The following ABCA7 variants were observed in gnomAD, a reference collection of about 807,000 sequenced individuals.
The protein encoded by ABCA7 is ATP binding cassette subfamily A member 7.
ABCA7 carries 261 observed loss-of-function variants against 227.6 expected under a neutral mutation model. That is an observed-to-expected ratio of 1.15 (90% CI 1.04 to 1.27). The LOEUF is 1.27. ABCA7 is among the 50% of genes most tolerant of loss of function. The probability of loss-of-function intolerance (pLI) is 0.00; values close to 1 mark genes in which losing one functional copy is unlikely to be tolerated. For synonymous variants in ABCA7, 1,488 were observed against 1,279.7 expected (o/e 1.16, Z -3.47); for missense variants, 3,331 against 2,924.5 (o/e 1.14, Z -3.21).
At position 1,046,884 on chromosome 19, in the gene ABCA7, G is replaced by T. The variant is rs772139261; in HGVS notation, c.1705G>T (p.Val569Leu). The T allele has an allele frequency of 6.5e-7, 1 of 1,548,780 alleles. No individual in the cohort carries two copies. The highest frequency in any genetic ancestry group is 1.9e-5 in the Admixed American group (1 of 51,336). Residue 569 changes from valine (V) to leucine (L), a missense_variant, in exon 14 of 47, where the codon GTG becomes TTG. Physicochemically the swap from Val to Leu is conservative, Grantham distance 32 (BLOSUM62 1). Coordinates refer to ENST00000263094, the MANE Select transcript of ABCA7 (RefSeq NM_019112.4). The part of the protein sequence containing the change: ...IYSVTLTVKA[V>L]VREKETRLRD... ...CTCCGTGACACTGACAGTGAAGGCCGTGGTGCGGGAGAAGGAGACGCGGCT... is the reference window on the plus strand; with the variant it reads ...CTCCGTGACACTGACAGTGAAGGCCTTGGTGCGGGAGAAGGAGACGCGGCT...
At chr19:1,050,146 C>G (rs1371164870) in intron 18 of ABCA7, among the ~76,000 whole-genome samples, 4 of 151,260 alleles carry the variant, frequency 2.6e-5, no homozygotes, top group Non-Finnish European at 5.9e-5. Flanking sequence ...AGTGGTGGCT[C>G]ACGCCTGTAA....
intron 45 of ABCA7, chr19:1,064,526 G>C (rs1169340057): frequency 1.9e-6 from 1 of 521,470 alleles, no homozygotes; most frequent in Non-Finnish European, 3.4e-6. Context: ...CTGGAGAGGT[G>C]AGGGTGGATT....
Position 1,064,961 on chromosome 19 carries a change from G to A in ABCA7, c.6075G>A (p.Arg2025=). ...RFAAGHTLTL[R]VPAARSQPAA... ...CGGCGGGTCACACACTGACCCTGCGGGTGCCCGCCGCAAGGTCCCAGCCGG... is the reference window on the plus strand; with the variant it reads ...CGGCGGGTCACACACTGACCCTGCGAGTGCCCGCCGCAAGGTCCCAGCCGG... Residue 2025 remains arginine, a synonymous_variant, in exon 46 of 47, where the codon CGG becomes CGA. Coordinates refer to ENST00000263094, the MANE Select transcript of ABCA7 (RefSeq NM_019112.4). The A allele has an allele frequency of 1.9e-6, 3 of 1,544,028 alleles. No homozygotes were observed. Among genetic ancestry groups the A allele is most frequent in the Non-Finnish European group, 2.6e-6 (3 of 1,146,192 alleles).
At chr19:1,060,441 C>G (rs553877833) in intron 40 of ABCA7, among the ~76,000 whole-genome samples, 6 of 151,886 alleles carry the variant, frequency 4.0e-5, no homozygotes, top group Admixed American at 6.6e-5. Flanking sequence ...GCACTCCTGA[C>G]CTCAAATGAT....
intron 37 of ABCA7, 90 bp downstream of exon 37, chr19:1,058,359 G>GC (rs756433146): frequency 4.9e-5 from 75 of 1,531,684 alleles, no homozygotes; most frequent in Non-Finnish European, 6.4e-5. Flanking sequence ...GAGAAAAACA[G>GC]CCCCCCAGGG....
At chr19:1,047,802 T>G in intron 16 of ABCA7, 148 bp downstream of exon 16, 121 of 644,184 alleles carry the variant, frequency 1.9e-4, no homozygotes, top group Middle Eastern at 1.6e-3. Flanking sequence ...CGCATGCAGG[T>G]GGCTGCATTG....
chr19:1,048,617 G>A (rs2040996234), intron 16 of ABCA7, among the ~76,000 whole-genome samples: 1 of 151,562 alleles, frequency 6.6e-6, no homozygotes, highest in South Asian at 2.1e-4. Flanking sequence ...AGACCATCCT[G>A]GCTAACACGG....
Position 1,061,390 on chromosome 19 carries a change from C to CAAAAAAAAAAAAAAA in ABCA7, c.5464-384_5464-370dup, listed in dbSNP as rs978850571. Among the ~76,000 whole-genome samples, 26 of 36,908 alleles carry CAAAAAAAAAAAAAAA rather than the reference C, an allele frequency of 7.0e-4. 1 individual carries two copies. Among genetic ancestry groups the CAAAAAAAAAAAAAAA allele is most frequent in the African/African-American group, 3.4e-3 (24 of 7,072 alleles). 24.2% of individuals were successfully genotyped at this position (36,908 alleles called of 152,430 possible). A position where few individuals can be genotyped will look rare whatever the true frequency, so the allele number is the denominator to read the frequency against. On this transcript the variant is annotated intron_variant, in intron 40 of 46. Coordinates refer to ENST00000263094, the MANE Select transcript of ABCA7 (RefSeq NM_019112.4). ...GGGGTGACACAGCAAGGCTCCGTCT[C>CAAAAAAAAAAAAAAA]AAAAAAAAAAAAAAAAAAAAAAGAG...
chr19:1,052,014 C>T lies in ABCA7; in HGVS notation c.3035C>T (p.Ala1012Val), dbSNP rs765916635. ...ELLGDRVAVVAGGRLCCCGSP... is the reference protein window; with the variant it reads ...ELLGDRVAVVVGGRLCCCGSP... ...CTGGGAGACCGTGTGGCCGTGGTGG[C>T]AGGTGGCCGCTTGTGCTGCTGTGGC... The change falls in exon 22 of 47, where the codon GCA (alanine) becomes GTA (valine). Residue 1012 changes from alanine (A) to valine (V), a missense_variant. Coordinates refer to ENST00000263094, the MANE Select transcript of ABCA7 (RefSeq NM_019112.4). 5 of 1,612,062 alleles carry T rather than the reference C, an allele frequency of 3.1e-6. No individual in the cohort carries two copies. In the South Asian group the frequency reaches 3.3e-5, roughly 11 times the overall value.
At chr19:1,061,352 G>A (rs548849928) in intron 40 of ABCA7, among the ~76,000 whole-genome samples, 68 of 145,152 alleles carry the variant, frequency 4.7e-4, no homozygotes, top group Non-Finnish European at 4.3e-4. Flanking sequence ...GGCCAAGATC[G>A]TGCCATTGCG....
Position 1,053,785 on chromosome 19 carries a change from C to G in ABCA7, c.3424-3C>G. ...GTCTCTGAGCCCCTGCTTGTCTCCC[C>G]AGATCTTCCTGAAGGTGGTGGAGGA... On this transcript the variant is annotated splice_region_variant and splice_polypyrimidine_tract_variant and intron_variant, in intron 24 of 46. Transcript: ENST00000263094. 6.2e-7 allele frequency: 1 copy of G among 1,611,680 alleles called. No homozygotes were observed. Among genetic ancestry groups the G allele is most frequent in the African/African-American group, 1.3e-5 (1 of 74,966 alleles).
Position 1,065,431 on chromosome 19 carries a change from C to G in ABCA7, c.*6C>G. 1 of 1,612,886 alleles carries G rather than the reference C, an allele frequency of 6.2e-7. No homozygotes were observed. Among genetic ancestry groups the G allele is most frequent in the South Asian group, 1.1e-5 (1 of 91,060 alleles). Reference sequence around the variant, plus strand: ...CTGCCGAGACTGTGCTCTGAGCCTCCCTCCCCTGCGGGGCCGCGGGGAGGC... The same window carrying G: ...CTGCCGAGACTGTGCTCTGAGCCTCGCTCCCCTGCGGGGCCGCGGGGAGGC... On this transcript the variant is annotated 3_prime_UTR_variant, in exon 47 of 47. Coordinates refer to ENST00000263094, the MANE Select transcript of ABCA7 (RefSeq NM_019112.4).
intron 37 of ABCA7, 85 bp from the exon 38 acceptor site, chr19:1,058,533 C>T (rs1568397604): frequency 1.9e-6 from 3 of 1,577,656 alleles, no homozygotes; most frequent in African/African-American, 1.4e-5. Context: ...GTTCCTTTCC[C>T]TTAAGAATCC....
At position 1,047,550 on chromosome 19, in the gene ABCA7, G is replaced by A. The variant is rs1364636305; in HGVS notation, c.2165G>A (p.Arg722Gln). 1.9e-6 allele frequency: 3 copies of A among 1,601,034 alleles called. No homozygotes were observed. The highest frequency in any genetic ancestry group is 2.5e-6 in the Non-Finnish European group (3 of 1,178,522). Residue 722 changes from arginine to glutamine, a missense_variant, in exon 16 of 47, where the codon CGG becomes CAG. Transcript: ENST00000263094. ...EGAQWHNVGT[R>Q]PTADVFSLAQ... ...GCGCAGTGGCACAACGTGGGCACCC[G>A]GCCTACGGCAGACGTCTTCAGCCTG... is the stretch of plus-strand genomic sequence containing the variant.
intron 12 of ABCA7, chr19:1,045,488 C>T (rs1029129322): frequency 6.6e-5 from 33 of 499,636 alleles, no homozygotes; most frequent in African/African-American, 4.8e-4. Flanking sequence ...CAATGGTGGG[C>T]GGAGCCAGGT....
intron 44 of ABCA7, 75 bp from the exon 45 acceptor site, chr19:1,064,085 CG>C: frequency 1.4e-6 from 2 of 1,451,242 alleles, no homozygotes. Flanking sequence ...TGGCCCAGGC[CG>C]GGGGAAGCAG....
chr19:1,063,696 C>T lies in ABCA7; in HGVS notation c.5847+18C>T. 1 of 1,575,292 alleles carries T rather than the reference C, an allele frequency of 6.3e-7. No individual in the cohort carries two copies. The highest frequency in any genetic ancestry group is 8.6e-7 in the Non-Finnish European group (1 of 1,162,064). On this transcript the variant is annotated intron_variant, in intron 43 of 46. Transcript: ENST00000263094. ...TGTTTCTGGTGCGTGGGAGCGGTGC[C>T]TGGGTGGGGTGGGGCCTGCGACGGA...
rs1303744243 is a variant in ABCA7 at position 1,047,540 on chromosome 19, G to A, written c.2155G>A (p.Val719Met). 2 of 1,599,306 alleles carry A rather than the reference G, an allele frequency of 1.3e-6. No homozygotes were observed. The highest frequency in any genetic ancestry group is 2.7e-5 in the African/African-American group (2 of 74,968). ...GGGCGAGGGCGCGCAGTGGCACAAC[G>A]TGGGCACCCGGCCTACGGCAGACGT... ...EQGEGAQWHN[V>M]GTRPTADVFS... The change falls in exon 16 of 47, where the codon GTG (valine) becomes ATG (methionine). Residue 719 changes from valine (V) to methionine (M), a missense_variant. Physicochemically the swap from Val to Met is conservative, Grantham distance 21. Coordinates refer to ENST00000263094, the MANE Select transcript of ABCA7 (RefSeq NM_019112.4).
Position 1,049,261 on chromosome 19 carries a change from T to C in ABCA7, c.2381-5T>C, listed in dbSNP as rs2041115481. The C allele has an allele frequency of 6.3e-7, 1 of 1,597,940 alleles. No individual in the cohort carries two copies. Among genetic ancestry groups the C allele is most frequent in the African/African-American group, 1.3e-5 (1 of 74,564 alleles). On this transcript the variant is annotated splice_polypyrimidine_tract_variant and splice_region_variant and intron_variant, in intron 17 of 46. Transcript: ENST00000263094. ...TCCATGGCTGAGTCCACCCCATCTC[T>C]GCAGTGCTGGTAGAAGAGGCACCGC...
Sources: gnomAD v4.1 joint callset for allele counts (sites outside exome capture counted in the v4.1 genomes callset) on GRCh38, gnomAD v4.1.1 for gene constraint, MANE v1.5 for transcripts, NCBI Gene and HGNC (gene_info 2026-07-23, HGNC 2026-07-21) for gene names.